The following ERC2 variants were observed in gnomAD, a reference collection of about 807,000 sequenced individuals.
The protein encoded by ERC2 is ERC protein 2.
ERC2 carries 42 observed loss-of-function variants against 114.8 expected under a neutral mutation model. The ratio of observed to expected loss-of-function variants is 0.37; its 90% CI spans 0.29 to 0.47. The LOEUF is 0.47. Among genes scored for constraint, ERC2 ranks in the 20% least tolerant of loss-of-function variants. The pLI is 0.99. For missense variants in ERC2, 939 were observed against 1,150.7 expected, an observed-to-expected ratio of 0.82 and a Z score of 2.66; for synonymous variants, 454 against 425.5, an observed-to-expected ratio of 1.07 and a Z score of -0.82.
At chr3:55,516,153 A>G (rs1461460916) in intron 17 of ERC2, among the ~76,000 whole-genome samples, 1 of 151,998 alleles carries the variant, frequency 6.6e-6, no homozygotes. Flanking sequence ...GGAGGAGAAG[A>G]GCTGCTCCTT....
rs570127608 is a variant in ERC2, at chr3:55,775,302, C to T, written c.2565-40384G>A. Reference sequence around the variant, plus strand: ...ATCCCAGCATTTTGTAAGGCCTAGGCGGAAGGATCACTTGAGGTCAGGAGT... The same window carrying T: ...ATCCCAGCATTTTGTAAGGCCTAGGTGGAAGGATCACTTGAGGTCAGGAGT... On this transcript the variant is annotated intron_variant, in intron 14 of 17. Coordinates refer to ENST00000288221, the MANE Select transcript of ERC2 (RefSeq NM_015576.3). Among the ~76,000 whole-genome samples the T allele has an allele frequency of 1.1e-4, 16 of 152,060 alleles. No individual in the cohort carries two copies. The East Asian group carries it at 2.3e-3, about 22-fold the overall frequency.
intron 1 of ERC2, among the ~76,000 whole-genome samples, chr3:56,451,666 TTGTCTATGAATGGATAA>T (rs1360141875): frequency 6.6e-6 from 1 of 152,198 alleles, no homozygotes; most frequent in Non-Finnish European, 1.5e-5. Context: ...GTCAAATCTC[TTGTCTATGAATGGATAA>T]TGGTAGGCTT....
chr3:55,683,234 T>C (rs1278863024), intron 17 of ERC2, among the ~76,000 whole-genome samples: 1 of 152,244 alleles, frequency 6.6e-6, no homozygotes, highest in Non-Finnish European at 1.5e-5. Flanking sequence ...TCACCATTAC[T>C]ATGCCTTGAT....
At chr3:56,421,430 G>A (rs575213434) in intron 2 of ERC2, among the ~76,000 whole-genome samples, 2 of 152,312 alleles carry the variant, frequency 1.3e-5, no homozygotes, top group African/African-American at 4.8e-5. Context: ...GGGCGTGGAT[G>A]TGTGACTCAT....
At chr3:55,837,665 A>C (rs2060957559) in intron 14 of ERC2, among the ~76,000 whole-genome samples, 1 of 152,014 alleles carries the variant, frequency 6.6e-6, no homozygotes, top group African/African-American at 2.4e-5. Flanking sequence ...ATGACGAGTT[A>C]ATGGGTACAG....
intron 17 of ERC2, among the ~76,000 whole-genome samples, chr3:55,550,458 G>A (rs186928481): frequency 5.6e-4 from 86 of 152,278 alleles, no homozygotes; most frequent in African/African-American, 2.0e-3. Context: ...ACTATTTGTT[G>A]AACCAATGCA....
At chr3:55,630,289 C>T (rs1010827683) in intron 17 of ERC2, among the ~76,000 whole-genome samples, 18 of 152,194 alleles carry the variant, frequency 1.2e-4, no homozygotes, top group Admixed American at 3.9e-4. Context: ...CCTGCCTCCG[C>T]CGCCTGAGTA....
At chr3:56,402,884 T>C (rs1027328059) in intron 2 of ERC2, among the ~76,000 whole-genome samples, 1 of 152,200 alleles carries the variant, frequency 6.6e-6, no homozygotes, top group African/African-American at 2.4e-5. Context: ...CTCAGCACTA[T>C]TGACATTTTG....
chr3:56,037,645 G>T (rs1290083856), intron 7 of ERC2, among the ~76,000 whole-genome samples: 1 of 152,168 alleles, frequency 6.6e-6, no homozygotes, highest in Non-Finnish European at 1.5e-5. Flanking sequence ...TATCATCCAG[G>T]AGAACTTCCC....
At chr3:56,036,075 G>A (rs1371806929) in intron 7 of ERC2, among the ~76,000 whole-genome samples, 1 of 152,030 alleles carries the variant, frequency 6.6e-6, no homozygotes, top group Non-Finnish European at 1.5e-5. Context: ...TCAATAATGG[G>A]CTATGCCACA....
In ERC2 at chr3:56,010,575, C is replaced by T; in HGVS notation, c.1794G>A (p.Glu598=). ...CTCTTTCTCGCTGTTCTTTCAAGCG[C>T]TCAATTATTCTCTCCTGTAAGGCAA... ...EALSEKERII[E]RLKEQRERDD... Residue 598 remains glutamate (E), a synonymous_variant, in exon 9 of 18, where the codon GAG becomes GAA. Coordinates refer to ENST00000288221, the MANE Select transcript of ERC2 (RefSeq NM_015576.3). 6.2e-7 allele frequency: 1 copy of T among 1,613,106 alleles called. No homozygotes were observed. The highest frequency in any genetic ancestry group is 8.5e-7 in the Non-Finnish European group (1 of 1,179,616).
At chr3:55,967,889 C>T (rs944872872) in intron 12 of ERC2, among the ~76,000 whole-genome samples, 36 of 152,298 alleles carry the variant, frequency 2.4e-4, no homozygotes, top group African/African-American at 8.2e-4. Flanking sequence ...TTCTGCCTTT[C>T]ACCATGGGCT....
At chr3:56,211,613 G>A (rs1046086395) in intron 3 of ERC2, among the ~76,000 whole-genome samples, 6 of 151,830 alleles carry the variant, frequency 4.0e-5, no homozygotes, top group African/African-American at 1.5e-4. Flanking sequence ...TAAAATTCAT[G>A]TGGAACCAAA....
At chr3:56,434,108 C>A in intron 2 of ERC2, 1 of 512,306 alleles carries the variant, frequency 2.0e-6, no homozygotes, top group Non-Finnish European at 3.4e-6. Flanking sequence ...AGTGATCCTC[C>A]CCACCCCACC....
At position 56,256,038 on chromosome 3, in the gene ERC2, G is replaced by A. The variant is rs2052493906; in HGVS notation, c.1074+39981C>T. Among the ~76,000 whole-genome samples, 4 of 152,148 alleles carry A rather than the reference G, an allele frequency of 2.6e-5. No homozygotes were observed. The South Asian group carries it at 8.3e-4, about 32-fold the overall frequency. ...CCTCAATGTGGATCTTCCTCTACAA[G>A]GACAAGAAAAATCATCTCTCTTTCC... is the stretch of plus-strand genomic sequence containing the variant. On this transcript the variant is annotated intron_variant, in intron 3 of 17. Coordinates refer to ENST00000288221, the MANE Select transcript of ERC2 (RefSeq NM_015576.3).
chr3:55,958,083 G>T (rs914953545), intron 12 of ERC2, among the ~76,000 whole-genome samples: 4 of 152,206 alleles, frequency 2.6e-5, no homozygotes, highest in African/African-American at 7.2e-5. Flanking sequence ...ACTGGAGGGT[G>T]AGCAAGGTAG....
intron 2 of ERC2, among the ~76,000 whole-genome samples, chr3:56,339,358 G>A (rs2057995104): frequency 6.6e-6 from 1 of 152,094 alleles, no homozygotes; most frequent in Non-Finnish European, 1.5e-5. Flanking sequence ...AGAAGTGTAA[G>A]GGTAGTCAAG....
chr3:56,374,653 A>C (rs1162110109), intron 2 of ERC2, among the ~76,000 whole-genome samples: 1 of 152,108 alleles, frequency 6.6e-6, no homozygotes, highest in Non-Finnish European at 1.5e-5. Flanking sequence ...TAGGGCTAAG[A>C]AGTTTGACTC....
chr3:55,714,667 G>GTGTGTGTATATA (rs2063990871), intron 15 of ERC2, among the ~76,000 whole-genome samples: 1 of 88,596 alleles, frequency 1.1e-5, no homozygotes, highest in Admixed American at 1.3e-4. Context: ...GTGTGTGTGT[G>GTGTGTGTATATA]TATATATATA....
Sources: allele counts gnomAD v4.1 joint callset (sites outside exome capture counted in the v4.1 genomes callset), GRCh38; gene constraint gnomAD v4.1.1; transcripts MANE v1.5; gene names NCBI Gene and HGNC (gene_info 2026-07-23, HGNC 2026-07-21).